The following TSPO variants were observed in gnomAD, a reference collection of about 807,000 sequenced individuals.
TSPO encodes benzodiazepine peripheral binding site.
In TSPO, 14 loss-of-function variants were observed where a neutral mutation model predicts 13.9. The ratio of observed to expected loss-of-function variants is 1.01; its 90% CI spans 0.67 to 1.58. The LOEUF (loss-of-function observed/expected upper bound fraction) is 1.58, where lower values mean the gene tolerates loss of function less well. Among genes scored for constraint, TSPO ranks in the 40% most tolerant of loss-of-function variants. The probability of loss-of-function intolerance (pLI) is 0.00; values close to 1 mark genes in which losing one functional copy is unlikely to be tolerated. For synonymous variants in TSPO, 114 were observed against 105.9 expected (o/e 1.08, Z -0.47); for missense variants, 232 against 229.6 (o/e 1.01, Z -0.07).
intron 1 of TSPO, among the ~76,000 whole-genome samples, chr22:43,153,085 TTTCC>T (rs929295383): frequency 7.3e-5 from 9 of 123,894 alleles, no homozygotes; most frequent in East Asian, 4.1e-4. Context: ...TCTTTCTTTC[TTTCC>T]TTCCTTCCTT....
At chr22:43,157,378 C>T (rs9333325) in intron 1 of TSPO, among the ~76,000 whole-genome samples, 8,959 of 151,182 alleles carry the variant, frequency 0.059, 952 homozygotes, top group African/African-American at 0.21. Context: ...CACATGCCCA[C>T]CCCCCCAGAA....
At chr22:43,161,486 G>A (rs105585) in intron 3 of TSPO, among the ~76,000 whole-genome samples, 43,915 of 151,488 alleles carry the variant, frequency 0.29, 8,006 homozygotes, top group Non-Finnish European at 0.4. Flanking sequence ...CTACATAACA[G>A]CTTCTTCTTT....
intron 2 of TSPO, among the ~76,000 whole-genome samples, chr22:43,160,762 C>G (rs1931409002): frequency 1.3e-5 from 2 of 152,220 alleles, no homozygotes; most frequent in South Asian, 4.1e-4. Context: ...CTCCTCTCTA[C>G]CTATTCACAC....
chr22:43,159,409 C>A lies in TSPO; in HGVS notation c.171C>A (p.Tyr57Ter). 1 of 1,527,434 alleles carries A rather than the reference C, an allele frequency of 6.5e-7. No individual in the cohort carries two copies. Among genetic ancestry groups the A allele is most frequent in the Non-Finnish European group, 8.8e-7 (1 of 1,137,962 alleles). The allele number at this position is 1,527,434 out of a possible 1,614,324, so 94.6% of individuals were successfully genotyped here. Residue 57 changes from tyrosine to a stop codon, truncating the protein, a stop_gained, in exon 2 of 4, where the codon TAC becomes TAA. Transcript: ENST00000337554. LOFTEE classifies it high-confidence loss of function. ...WVLGPVWGTL[Y>*]SAMGYGSYLV... is the part of the protein sequence containing the mutation. ...TGGGCCCTGTCTGGGGCACGCTCTA[C>A]TCAGCCATGGGGTAGGTGGGCGTGC...
At chr22:43,159,636 C>A (rs952240744) in intron 2 of TSPO, 7 of 463,982 alleles carry the variant, frequency 1.5e-5, no homozygotes, top group Non-Finnish European at 2.6e-5. Flanking sequence ...ATGCTCACCC[C>A]ACCCTGGCAT....
intron 2 of TSPO, chr22:43,159,749 C>G (rs761635136): frequency 1.8e-5 from 5 of 277,366 alleles, no homozygotes; most frequent in Middle Eastern, 9.9e-4. Context: ...GCAACAGCCC[C>G]AAGAGCAGCT....
chr22:43,152,622 C>A (rs1480408576), intron 1 of TSPO, among the ~76,000 whole-genome samples: 2 of 152,256 alleles, frequency 1.3e-5, no homozygotes, highest in African/African-American at 4.8e-5. Context: ...GGAGAGCCAG[C>A]CTCAGCCCAG....
rs574052443 is a variant in TSPO, at chr22:43,157,638, C to T, written c.-29-1572C>T. Among the ~76,000 whole-genome samples the T allele has an allele frequency of 9.3e-4, 142 of 152,158 alleles. No individual in the cohort carries two copies. In the Middle Eastern group the frequency reaches 0.02, roughly 22 times the overall value. ...TCAGGTCAGGAGTTTGAGACCAGCC[C>T]GGCCAACATGGTGAAACCCTGTCTC... On this transcript the variant is annotated intron_variant, in intron 1 of 3. Coordinates refer to ENST00000337554, the MANE Select transcript of TSPO (RefSeq NM_000714.6).
intron 2 of TSPO, among the ~76,000 whole-genome samples, chr22:43,160,750 G>A (rs757566726): frequency 1.3e-5 from 2 of 152,202 alleles, no homozygotes; most frequent in Non-Finnish European, 2.9e-5. Context: ...TAGGTTAAGA[G>A]CCTCCTCTCT....
intron 1 of TSPO, among the ~76,000 whole-genome samples, chr22:43,157,686 C>G (rs1203682521): frequency 6.6e-6 from 1 of 152,188 alleles, no homozygotes; most frequent in African/African-American, 2.4e-5. Context: ...AAAAATTAGC[C>G]CGGCATGGTG....
At chr22:43,156,022 G>A (rs933207922) in intron 1 of TSPO, among the ~76,000 whole-genome samples, 6 of 152,194 alleles carry the variant, frequency 3.9e-5, no homozygotes, top group African/African-American at 1.4e-4. Context: ...GAAACTCCCC[G>A]CCCCCGACCA....
At position 43,158,437 on chromosome 22, in the gene TSPO, T is replaced by C. The variant is rs73179066; in HGVS notation, c.-29-773T>C. ...TCAGACAAGAGCAGACGACTCCTGA[T>C]TCTCCACCTAGAATCAGAGTGAGTG... is the stretch of plus-strand genomic sequence containing the variant. On this transcript the variant is annotated intron_variant, in intron 1 of 3. Transcript: ENST00000337554. Among the ~76,000 whole-genome samples, 1,019 of 152,290 alleles carry C rather than the reference T, an allele frequency of 6.7e-3. 14 individuals are homozygous for C. The highest frequency in any genetic ancestry group is 0.041 in the Middle Eastern group (12 of 294).
intron 1 of TSPO, among the ~76,000 whole-genome samples, chr22:43,157,469 G>A (rs1237422122): frequency 6.6e-6 from 1 of 152,124 alleles, no homozygotes; most frequent in African/African-American, 2.4e-5. Context: ...GAAAACTGAG[G>A]TCCAGGGAGG....
chr22:43,162,623 T>C (rs1367562271), intron 3 of TSPO, among the ~76,000 whole-genome samples, 180 bp from the exon 4 acceptor site: 12 of 152,148 alleles, frequency 7.9e-5, no homozygotes. Flanking sequence ...TGTTCCCATT[T>C]TACAGATGAG....
At position 43,162,880 on chromosome 22, in the gene TSPO, C is replaced by T. The variant is rs752041846; in HGVS notation, c.399C>T (p.Ala133=). 5.6e-5 allele frequency: 89 copies of T among 1,577,686 alleles called. No individual in the cohort carries two copies. The highest frequency in any genetic ancestry group is 6.6e-5 in the Non-Finnish European group (77 of 1,162,956). ...TVAWYQVSPL[A]ARLLYPYLAW... ...CCTGGTACCAGGTGAGCCCGCTGGC[C>T]GCCCGCCTGCTCTACCCCTACCTGG... Residue 133 remains alanine, a synonymous_variant, in exon 4 of 4, where the codon GCC becomes GCT. Coordinates refer to ENST00000337554, the MANE Select transcript of TSPO (RefSeq NM_000714.6).
chr22:43,162,691 G>A, intron 3 of TSPO, 112 bp from the exon 4 acceptor site: 1 of 1,092,728 alleles, frequency 9.2e-7, no homozygotes. Flanking sequence ...GTGGAGTGGG[G>A]GTGAGTGAGG....
chr22:43,159,469 G>T (rs2147056322), intron 2 of TSPO, 49 bp downstream of exon 2: 1 of 1,397,974 alleles, frequency 7.2e-7, no homozygotes, highest in East Asian at 2.8e-5. Context: ...CTTTGCAAGG[G>T]GAGGCCTGGC....
At chr22:43,161,647 C>T (rs551367550) in intron 3 of TSPO, among the ~76,000 whole-genome samples, 94 of 151,966 alleles carry the variant, frequency 6.2e-4, no homozygotes, top group Non-Finnish European at 1.1e-3. Context: ...ACCACCACTC[C>T]TGGCTAATTT....
chr22:43,155,663 C>T (rs138356077), intron 1 of TSPO, among the ~76,000 whole-genome samples: 228 of 152,320 alleles, frequency 1.5e-3, no homozygotes, highest in African/African-American at 5.3e-3. Flanking sequence ...CCCCAGCCCC[C>T]CAAGAAGCAG....
Sources: gnomAD v4.1 joint callset for allele counts (sites outside exome capture counted in the v4.1 genomes callset) on GRCh38, gnomAD v4.1.1 for gene constraint, MANE v1.5 for transcripts, NCBI Gene and HGNC (gene_info 2026-07-23, HGNC 2026-07-21) for gene names.